The following DHX35 variants were observed in gnomAD, a reference collection of about 807,000 sequenced individuals.
The protein encoded by DHX35 is probable ATP-dependent RNA helicase DHX35.
Under a neutral mutation model 99.6 loss-of-function variants are expected in DHX35, and 84 were observed. The observed-to-expected ratio is 0.84, with a 90% CI of 0.71 to 1.01. The LOEUF is 1.01. Among genes scored for constraint, DHX35 ranks in the 50% least tolerant of loss-of-function variants. The pLI, the probability that DHX35 is intolerant of heterozygous loss-of-function variation, is 0.00. For synonymous variants in DHX35, 331 were observed against 316.2 expected, an observed-to-expected ratio of 1.05 and a Z score of -0.50; for missense variants, 852 against 888.5, an observed-to-expected ratio of 0.96 and a Z score of 0.52.
intron 13 of DHX35, among the ~76,000 whole-genome samples, chr20:39,012,228 A>G (rs1465502388): frequency 1.3e-5 from 2 of 152,110 alleles, no homozygotes; most frequent in Non-Finnish European, 2.9e-5. Context: ...CAGCCTGGGC[A>G]ATAGGGTGAG....
rs370703588 is a variant in DHX35, at chr20:39,021,923, G to C, written c.1581G>C (p.Gln527His). Residue 527 changes from glutamine to histidine, a missense_variant, in exon 16 of 22, where the codon CAG becomes CAC. Physicochemically the swap from Gln to His is conservative, Grantham distance 24 (BLOSUM62 0). Transcript: ENST00000252011. Reference protein sequence around the residue: ...IQNIFVVPPNQKSHAIRVHRK... With the variant: ...IQNIFVVPPNHKSHAIRVHRK... ...ATATCTTTGTGGTCCCCCCAAACCA[G>C]AAGTCTCACGCAGTAAGTCAGCTCT... The C allele has an allele frequency of 1.9e-6, 3 of 1,614,134 alleles. No homozygotes were observed. Among genetic ancestry groups the C allele is most frequent in the Admixed American group, 3.3e-5 (2 of 60,018 alleles).
Position 39,021,831 on chromosome 20 carries a change from T to C in DHX35, c.1499-10T>C. On this transcript the variant is annotated splice_polypyrimidine_tract_variant and intron_variant, in intron 15 of 21. Transcript: ENST00000252011. The stretch of plus-strand genomic sequence containing the variant: ...TATGGTTGAAACCAAACATGCTTTT[T>C]GTTTTACAGGAAACTTCGGCTGTTC... The C allele has an allele frequency of 6.2e-7, 1 of 1,614,014 alleles. No homozygotes were observed.
rs78949959 is a variant in DHX35 at position 38,985,505 on chromosome 20, G to A, written c.345+1729G>A. ...TTCTGTACTGAGTTTTAATTATTGTGTCGTTGTTTTGCCCAAAGTTCATTT... is the reference window on the plus strand; with the variant it reads ...TTCTGTACTGAGTTTTAATTATTGTATCGTTGTTTTGCCCAAAGTTCATTT... On this transcript the variant is annotated intron_variant, in intron 4 of 21. Transcript: ENST00000252011. Among the ~76,000 whole-genome samples, 25 of 151,592 alleles carry A rather than the reference G, an allele frequency of 1.6e-4. No individual in the cohort carries two copies. The East Asian group carries it at 4.3e-3, about 26-fold the overall frequency.
intron 3 of DHX35, chr20:38,977,882 C>G (rs759529968): frequency 1.7e-6 from 1 of 572,438 alleles, no homozygotes; most frequent in Admixed American, 2.0e-5. Context: ...TCTTGTATAG[C>G]TTTCTTTACT....
intron 4 of DHX35, among the ~76,000 whole-genome samples, chr20:38,987,947 C>A (rs1227655257): frequency 6.6e-6 from 1 of 152,062 alleles, no homozygotes; most frequent in Non-Finnish European, 1.5e-5. Flanking sequence ...AGCTTTTTGC[C>A]TTCGATGAGA....
rs1240852296 is a variant in DHX35 at position 39,018,803 on chromosome 20, G to A, written c.1403-1G>A. The stretch of plus-strand genomic sequence containing the variant: ...GATTTCTTTTGTTGTTCTTATGGCA[G>A]GTCTGGACAAAGACTGTCGCCTAAC... On this transcript the variant is annotated splice_acceptor_variant, in intron 14 of 21. Coordinates refer to ENST00000252011, the MANE Select transcript of DHX35 (RefSeq NM_021931.4). LOFTEE classifies it high-confidence loss of function. 3 of 1,613,656 alleles carry A rather than the reference G, an allele frequency of 1.9e-6. No individual in the cohort carries two copies. The East Asian group carries it at 6.7e-5, about 36-fold the overall frequency.
chr20:39,028,325 G>T (rs2086990335), intron 18 of DHX35, 93 bp from the exon 19 acceptor site: 3 of 1,248,868 alleles, frequency 2.4e-6, no homozygotes, highest in Non-Finnish European at 3.5e-6. Flanking sequence ...AAGCAGCCTG[G>T]GGTGGTGCTG....
chr20:38,982,925 ATTTT>A (rs547151407), intron 3 of DHX35, among the ~76,000 whole-genome samples: 1 of 142,124 alleles, frequency 7.0e-6, no homozygotes. Flanking sequence ...ACTTAATCAA[ATTTT>A]TTTTTTTTTT....
intron 18 of DHX35, 142 bp downstream of exon 18, chr20:39,025,501 A>G: frequency 9.2e-7 from 1 of 1,086,798 alleles, no homozygotes; most frequent in Non-Finnish European, 1.3e-6. Flanking sequence ...AGTTGCCTGC[A>G]TCTGTGAAAA....
At chr20:38,975,290 A>G (rs1351316781) in intron 3 of DHX35, among the ~76,000 whole-genome samples, 7 of 152,238 alleles carry the variant, frequency 4.6e-5, no homozygotes, top group African/African-American at 1.7e-4. Flanking sequence ...AGATAACCGT[A>G]TATGCAGATG....
Position 39,028,361 on chromosome 20 carries a change from C to T in DHX35, c.1802-57C>T. On this transcript the variant is annotated intron_variant, in intron 18 of 21. Coordinates refer to ENST00000252011, the MANE Select transcript of DHX35 (RefSeq NM_021931.4). ...GGAGTGGATCCTGTGCATTAGAGCA[C>T]ACGGAGCCTAGGGCAGGCAAGGGTT... 2.6e-6 allele frequency: 4 copies of T among 1,552,870 alleles called. No individual in the cohort carries two copies. In the South Asian group the frequency reaches 3.3e-5, roughly 13 times the overall value.
At chr20:38,982,925 ATT>A (rs547151407) in intron 3 of DHX35, among the ~76,000 whole-genome samples, 23 of 142,054 alleles carry the variant, frequency 1.6e-4, no homozygotes, top group Admixed American at 2.1e-4. Context: ...ACTTAATCAA[ATT>A]TTTTTTTTTT....
chr20:38,996,157 G>A (rs2086425715), intron 8 of DHX35, among the ~76,000 whole-genome samples: 3 of 152,078 alleles, frequency 2.0e-5, no homozygotes, highest in South Asian at 4.1e-4. Flanking sequence ...TCAGAGAGGC[G>A]CTCTCTAAAA....
At chr20:38,966,532 G>A (rs535771703) in intron 1 of DHX35, among the ~76,000 whole-genome samples, 7 of 152,174 alleles carry the variant, frequency 4.6e-5, no homozygotes, top group Admixed American at 2.6e-4. Context: ...AGCTGGGTGC[G>A]GTGGTGCGTG....
chr20:39,025,275 A>C lies in DHX35; in HGVS notation c.1717A>C (p.Lys573Gln). The change falls in exon 18 of 22, where the codon AAG becomes CAG. Residue 573 changes from lysine to glutamine, a missense_variant. Coordinates refer to ENST00000252011, the MANE Select transcript of DHX35 (RefSeq NM_021931.4). ...GTGTCAGGAACATTTCCTGAATTAC[A>C]AGGGTCTTGTCAGAGCTGCGACTGT... ...KWCQEHFLNY[K>Q]GLVRAATVRE... is the part of the protein sequence containing the mutation. 6.2e-7 allele frequency: 1 copy of C among 1,613,594 alleles called. No individual in the cohort carries two copies. The highest frequency in any genetic ancestry group is 8.5e-7 in the Non-Finnish European group (1 of 1,179,724).
intron 11 of DHX35, among the ~76,000 whole-genome samples, chr20:39,005,331 C>T (rs1348171164): frequency 6.6e-6 from 1 of 152,156 alleles, no homozygotes; most frequent in Admixed American, 6.5e-5. Context: ...TCTGCAACCT[C>T]ATCTTGTACT....
rs968862274 is a variant in DHX35 at position 39,038,715 on chromosome 20, A to C, written c.*172A>C. On this transcript the variant is annotated 3_prime_UTR_variant, in exon 22 of 22. Transcript: ENST00000252011. ...TCTTCCCGCTGCCCACAGCATTTGC[A>C]TCCTTGCTGGGATCCTGGAGGACTT... 9.2e-6 allele frequency: 6 copies of C among 651,874 alleles called. No individual in the cohort carries two copies. Among genetic ancestry groups the C allele is most frequent in the Admixed American group, 2.8e-5 (1 of 35,340 alleles). 40.4% of individuals were successfully genotyped at this position (651,874 alleles called of 1,614,324 possible). A position where few individuals can be genotyped will look rare whatever the true frequency, so the allele number is the denominator to read the frequency against.
At chr20:39,027,812 A>G (rs1466756008) in intron 18 of DHX35, among the ~76,000 whole-genome samples, 1 of 152,244 alleles carries the variant, frequency 6.6e-6, no homozygotes, top group Non-Finnish European at 1.5e-5. Flanking sequence ...ATATGTCATT[A>G]ACCATAAAAA....
chr20:39,038,448 G>C, intron 21 of DHX35, 51 bp from the exon 22 acceptor site: 1 of 1,597,206 alleles, frequency 6.3e-7, no homozygotes, highest in South Asian at 1.1e-5. Flanking sequence ...GTTGCAGTCT[G>C]GTTTCTTTGT....
Sources: gnomAD v4.1 joint callset for allele counts (sites outside exome capture counted in the v4.1 genomes callset) on GRCh38, gnomAD v4.1.1 for gene constraint, MANE v1.5 for transcripts, NCBI Gene and HGNC (gene_info 2026-07-23, HGNC 2026-07-21) for gene names.